IL17B: variants seen among roughly 807,000 people sequenced by gnomAD.
IL17B encodes interleukin 17B.
Under a neutral mutation model 14.7 loss-of-function variants are expected in IL17B, and 14 were observed. That is an observed-to-expected ratio of 0.95 (90% CI 0.63 to 1.49). The LOEUF (loss-of-function observed/expected upper bound fraction) is 1.49, where lower values mean the gene tolerates loss of function less well. Ranked by LOEUF, IL17B falls within the 40% of genes most tolerant of loss-of-function variation. The pLI, the probability that IL17B is intolerant of heterozygous loss-of-function variation, is 0.00. For synonymous variants in IL17B, 105 were observed against 94.8 expected (o/e 1.11, Z -0.62); for missense variants, 233 against 252.8 (o/e 0.92, Z 0.53).
chr5:149,374,895 G>A lies in IL17B; in HGVS notation c.312-295C>T, dbSNP rs1042766019. 3.0e-6 allele frequency: 1 copy of A among 329,560 alleles called. No homozygotes were observed. Among genetic ancestry groups the A allele is most frequent in the Admixed American group, 4.3e-5 (1 of 23,108 alleles). The allele number at this position is 329,560 out of a possible 1,614,324, so 20.4% of individuals were successfully genotyped here. On this transcript the variant is annotated intron_variant, in intron 2 of 2. Coordinates refer to ENST00000261796, the MANE Select transcript of IL17B (RefSeq NM_014443.3). This position sits in a 1 kb window ranked among gnomAD's most constrained non-coding sequence, Gnocchi z 5.0. ...TACTAGGTTGCGCTGTGGGGATTGT[G>A]GAGTAGCCCTCTACCACCTAGGGCC... is the stretch of plus-strand genomic sequence containing the variant.
chr5:149,394,287 C>T (rs353261), intron 1 of IL17B, among the ~76,000 whole-genome samples: 4 of 152,194 alleles, frequency 2.6e-5, no homozygotes, highest in Admixed American at 6.5e-5. Context: ...TTTCTAACTG[C>T]GGCCATCTGA....
intron 1 of IL17B, among the ~76,000 whole-genome samples, chr5:149,390,379 A>G (rs963349059): frequency 6.6e-6 from 1 of 152,028 alleles, no homozygotes; most frequent in African/African-American, 2.4e-5. Context: ...AGTCTCATGC[A>G]GCCAATCTGG....
chr5:149,388,718 C>T (rs1758877720), intron 1 of IL17B, among the ~76,000 whole-genome samples: 1 of 152,180 alleles, frequency 6.6e-6, no homozygotes, highest in Non-Finnish European at 1.5e-5. Flanking sequence ...CCTGTGCAGG[C>T]TAGCAGGGCA....
chr5:149,399,055 A>G (rs1267971922), intron 1 of IL17B, among the ~76,000 whole-genome samples: 1 of 152,092 alleles, frequency 6.6e-6, no homozygotes, highest in East Asian at 1.9e-4. Flanking sequence ...ATCTCGCGAG[A>G]CTCATTTGCT....
intron 1 of IL17B, 114 bp from the exon 2 acceptor site, chr5:149,377,139 G>C: frequency 1.2e-6 from 1 of 831,794 alleles, no homozygotes. Flanking sequence ...GCTCAGGTCT[G>C]ACTCTGCCTA....
chr5:149,377,156 C>G (rs1758567192), intron 1 of IL17B, 131 bp from the exon 2 acceptor site: 1 of 679,844 alleles, frequency 1.5e-6, no homozygotes, highest in African/African-American at 1.8e-5. Flanking sequence ...CCTACCATCC[C>G]CCAGCTCTCC....
intron 1 of IL17B, among the ~76,000 whole-genome samples, chr5:149,399,668 G>C (rs535841838): frequency 1.3e-5 from 2 of 152,234 alleles, no homozygotes; most frequent in South Asian, 4.1e-4. Flanking sequence ...TTTGTGTCAG[G>C]TGGGTTTGAT....
chr5:149,403,028 C>T (rs1188823384), intron 1 of IL17B, among the ~76,000 whole-genome samples: 3 of 145,548 alleles, frequency 2.1e-5, no homozygotes, highest in African/African-American at 7.6e-5. Context: ...AAAAAAAACT[C>T]AATAGCAAGT....
chr5:149,392,923 CAT>C (rs1188648458), intron 1 of IL17B, among the ~76,000 whole-genome samples: 4 of 151,610 alleles, frequency 2.6e-5, no homozygotes, highest in Non-Finnish European at 4.4e-5. Flanking sequence ...CGTGTGTGTG[CAT>C]GTGTGTGTAC....
chr5:149,380,827 C>T (rs1758676271), upstream of IL17B, among the ~76,000 whole-genome samples: 1 of 152,206 alleles, frequency 6.6e-6, no homozygotes, highest in Non-Finnish European at 1.5e-5. Context: ...CCGGGGCAGG[C>T]TTCCACAGCA....
intron 1 of IL17B, among the ~76,000 whole-genome samples, chr5:149,391,397 C>T (rs972497768): frequency 2.6e-5 from 4 of 152,202 alleles, no homozygotes; most frequent in African/African-American, 7.2e-5. Context: ...GGGGGTGTCA[C>T]CAAGTGACTG....
Position 149,374,468 on chromosome 5 carries a change from A to G in IL17B, c.444T>C (p.Pro148=). The change falls in exon 3 of 3, where the codon CCT becomes CCC. Residue 148 remains proline, a synonymous_variant. Coordinates refer to ENST00000261796, the MANE Select transcript of IL17B (RefSeq NM_014443.3). The surrounding 1 kb of genome is among the most constrained non-coding windows in gnomAD (Gnocchi z 5.0). ...GTGGCGGGCAGAGGCGGCGGCGCAC[A>G]GGAACCTGGCTGAACACCGGCACGC... ...MVSVPVFSQV[P]VRRRLCPPPP... 11 of 1,612,552 alleles carry G rather than the reference A, an allele frequency of 6.8e-6. No individual in the cohort carries two copies. Among genetic ancestry groups the G allele is most frequent in the Middle Eastern group, 3.3e-4 (2 of 6,062 alleles).
chr5:149,377,184 T>C (rs558156702), intron 1 of IL17B, among the ~76,000 whole-genome samples, 159 bp from the exon 2 acceptor site: 3 of 151,204 alleles, frequency 2.0e-5, no homozygotes, highest in Admixed American at 6.6e-5. Flanking sequence ...GATTACCCCC[T>C]GTTTCCTCTC....
chr5:149,398,220 A>G (rs534253344), intron 1 of IL17B, among the ~76,000 whole-genome samples: 1 of 152,190 alleles, frequency 6.6e-6, no homozygotes, highest in African/African-American at 2.4e-5. Context: ...ACATAATGCA[A>G]CCATCCCATG....
upstream of IL17B, among the ~76,000 whole-genome samples, chr5:149,381,996 C>T (rs1433578943): frequency 6.6e-6 from 1 of 152,104 alleles, no homozygotes; most frequent in African/African-American, 2.4e-5. Context: ...CAGTGGGTGG[C>T]CGCGGTCTCG....
chr5:149,378,695 C>G (rs1263600031), intron 1 of IL17B, among the ~76,000 whole-genome samples: 1 of 152,258 alleles, frequency 6.6e-6, no homozygotes, highest in African/African-American at 2.4e-5. Context: ...GATTCAAGTG[C>G]TAAATTCTTC....
chr5:149,397,977 T>C (rs973450104), intron 1 of IL17B, among the ~76,000 whole-genome samples: 1 of 152,168 alleles, frequency 6.6e-6, no homozygotes, highest in East Asian at 1.9e-4. Context: ...AGGGCAGATC[T>C]TCCCTACCTA....
intron 1 of IL17B, among the ~76,000 whole-genome samples, chr5:149,392,983 T>TGCGCGC (rs1561716983): frequency 1.6e-3 from 221 of 142,484 alleles, no homozygotes; most frequent in South Asian, 7.3e-3. Context: ...CGTGCGTGTG[T>TGCGCGC]GTGTGCGTGT....
chr5:149,381,311 G>C (rs1210670691), upstream of IL17B, among the ~76,000 whole-genome samples: 5 of 152,236 alleles, frequency 3.3e-5, no homozygotes, highest in Non-Finnish European at 7.3e-5. Context: ...CAGAGATGCT[G>C]AAGTAGCAGC....
Sources: allele counts gnomAD v4.1 joint callset (sites outside exome capture counted in the v4.1 genomes callset), GRCh38; gene constraint gnomAD v4.1.1; non-coding constraint Gnocchi (gnomAD v3.1); transcripts MANE v1.5; gene names NCBI Gene and HGNC (gene_info 2026-07-23, HGNC 2026-07-21).